PTPRH: variants seen among roughly 807,000 people sequenced by gnomAD.
PTPRH encodes the protein receptor-type tyrosine-protein phosphatase H.
In PTPRH, 113 loss-of-function variants were observed where a neutral mutation model predicts 130.2. That is an observed-to-expected ratio of 0.87 (90% CI 0.75 to 1.01). PTPRH has a LOEUF of 1.01. Among genes scored for constraint, PTPRH ranks in the 50% least tolerant of loss-of-function variants. The probability of loss-of-function intolerance (pLI) is 0.00; values close to 1 mark genes in which losing one functional copy is unlikely to be tolerated. For synonymous variants in PTPRH, 556 were observed against 577.9 expected (o/e 0.96, Z 0.54); for missense variants, 1,430 against 1,425.0 (o/e 1.00, Z -0.06).
rs2086953552 is a variant in PTPRH, at chr19:55,203,866, C to T, written c.802G>A (p.Gly268Arg). The T allele has an allele frequency of 6.2e-7, 1 of 1,614,038 alleles. No individual in the cohort carries two copies. The highest frequency in any genetic ancestry group is 1.3e-5 in the African/African-American group (1 of 74,916). Residue 268 changes from glycine to arginine, a missense_variant, in exon 5 of 20, where the codon GGA becomes AGA. Coordinates refer to ENST00000376350, the MANE Select transcript of PTPRH (RefSeq NM_002842.5). ...TDTRVTVDGL[G>R]PGSLYTCSVW... Reference sequence around the variant, plus strand: ...GAACACGTATACAATGACCCGGGTCCAAGGCCATCCACGGTGACTCTGGTG... The same window carrying T: ...GAACACGTATACAATGACCCGGGTCTAAGGCCATCCACGGTGACTCTGGTG...
At chr19:55,205,042 C>T (rs2086999328) in intron 4 of PTPRH, among the ~76,000 whole-genome samples, 1 of 152,122 alleles carries the variant, frequency 6.6e-6, no homozygotes. Context: ...GTATCTAATT[C>T]CTTGAAAGCT....
At position 55,207,191 on chromosome 19, in the gene PTPRH, G is replaced by A; in HGVS notation, c.60C>T (p.Cys20=). 4 of 1,613,328 alleles carry A rather than the reference G, an allele frequency of 2.5e-6. No homozygotes were observed. Among genetic ancestry groups the A allele is most frequent in the Non-Finnish European group, 3.4e-6 (4 of 1,179,762 alleles). Residue 20 remains cysteine (C), a synonymous_variant, in exon 2 of 20, where the codon TGC becomes TGT. Coordinates refer to ENST00000376350, the MANE Select transcript of PTPRH (RefSeq NM_002842.5). ...VWGNLVLLGL[C]SWTGARAPAP... is the part of the protein sequence containing the mutation. ...CAGGCGCCCTGGCCCCTGTCCAGCT[G>A]CACAGGCCCTGGAGGGAACCCAGAG...
intron 1 of PTPRH, among the ~76,000 whole-genome samples, chr19:55,207,658 GGACTCCTGAGTCTGAGGGAGGAGGGGCT>G (rs2087114396): frequency 8.9e-6 from 1 of 111,778 alleles, no homozygotes; most frequent in Non-Finnish European, 1.9e-5. Context: ...TTGGGGGCCT[GGACTCCTGAGTCTGAGGGAGGAGGGGCT>G]GGGGTCTGGA....
At position 55,200,321 on chromosome 19, in the gene PTPRH, A is replaced by G; in HGVS notation, c.1335T>C (p.Leu445=). The G allele has an allele frequency of 6.2e-7, 1 of 1,614,184 alleles. No individual in the cohort carries two copies. Among genetic ancestry groups the G allele is most frequent in the Non-Finnish European group, 8.5e-7 (1 of 1,180,032 alleles). Reference sequence around the variant, plus strand: ...AGAATGTGTACAAGGTTCCGGGCTCAAGTCTCTCAGCTGTCACACTGGTAT... The same window carrying G: ...AGAATGTGTACAAGGTTCCGGGCTCGAGTCTCTCAGCTGTCACACTGGTAT... ...TTNTSVTAER[L]EPGTLYTFSV... is the part of the protein sequence containing the mutation. Residue 445 remains leucine (L), a synonymous_variant, in exon 7 of 20, where the codon CTT becomes CTC. Transcript: ENST00000376350.
In PTPRH at chr19:55,209,262, C is replaced by G. The variant is rs1427133123; in HGVS notation, c.51+121G>C. On this transcript the variant is annotated intron_variant, in intron 1 of 19. Coordinates refer to ENST00000376350, the MANE Select transcript of PTPRH (RefSeq NM_002842.5). This position sits in a 1 kb window ranked among gnomAD's most constrained non-coding sequence, Gnocchi z 4.1. ...TCTCTGCCAAGCCTGAAGCCCTCTT[C>G]CTTCTCCAGGGGATCTTCAGCACCT... The G allele has an allele frequency of 4.6e-6, 4 of 861,022 alleles. No homozygotes were observed. Among genetic ancestry groups the G allele is most frequent in the Non-Finnish European group, 7.7e-6 (4 of 521,264 alleles). 53.3% of individuals were successfully genotyped at this position (861,022 alleles called of 1,614,324 possible).
intron 9 of PTPRH, 122 bp from the exon 10 acceptor site, chr19:55,196,910 CT>C: frequency 3.8e-6 from 5 of 1,305,452 alleles, no homozygotes; most frequent in Non-Finnish European, 5.2e-6. Context: ...ACTACCTCAT[CT>C]TCCCTCCTTT....
At chr19:55,203,195 T>C (rs1291549804) in intron 5 of PTPRH, among the ~76,000 whole-genome samples, 2 of 148,140 alleles carry the variant, frequency 1.4e-5, no homozygotes, top group Non-Finnish European at 3.0e-5. Context: ...GGTGTGGCGG[T>C]GTGCGCCTGT....
At chr19:55,188,695 C>T (rs2086439181) in intron 12 of PTPRH, among the ~76,000 whole-genome samples, 1 of 152,170 alleles carries the variant, frequency 6.6e-6, no homozygotes, top group Non-Finnish European at 1.5e-5. Context: ...GCCTCCCTGT[C>T]TGTAATTGCA....
intron 10 of PTPRH, among the ~76,000 whole-genome samples, chr19:55,195,027 A>T (rs1421751076): frequency 6.6e-6 from 1 of 152,086 alleles, no homozygotes; most frequent in Non-Finnish European, 1.5e-5. Flanking sequence ...ATCTCTACTA[A>T]AAAAATTTAA....
Position 55,203,654 on chromosome 19 carries a change from A to G in PTPRH, c.886+128T>C, listed in dbSNP as rs1426942678. On this transcript the variant is annotated intron_variant, in intron 5 of 19. Transcript: ENST00000376350. ...TTTATGTGGCTGATAGAAAATTGAAATTCTCACCTGTGGCTTCCACTGTGT... is the reference window on the plus strand; with the variant it reads ...TTTATGTGGCTGATAGAAAATTGAAGTTCTCACCTGTGGCTTCCACTGTGT... 4.4e-6 allele frequency: 5 copies of G among 1,138,386 alleles called. No homozygotes were observed. The East Asian group carries it at 1.3e-4, about 29-fold the overall frequency. 70.5% of individuals were successfully genotyped at this position (1,138,386 alleles called of 1,614,324 possible). A position where few individuals can be genotyped will look rare whatever the true frequency, so the allele number is the denominator to read the frequency against.
At chr19:55,198,587 A>C (rs878888825) in intron 8 of PTPRH, 56 bp downstream of exon 8, 1 of 1,488,828 alleles carries the variant, frequency 6.7e-7, no homozygotes, top group South Asian at 1.4e-5. Context: ...AAGTCCTTTC[A>C]TCTTTTTCCT....
At chr19:55,191,592 G>T in intron 11 of PTPRH, 44 bp from the exon 12 acceptor site, 3 of 1,612,378 alleles carry the variant, frequency 1.9e-6, no homozygotes, top group Non-Finnish European at 2.5e-6. Context: ...GGGTGAGGCT[G>T]CAACCAGCGG....
rs2086715006 is a variant in PTPRH at position 55,197,254 on chromosome 19, C to G, written c.1853G>C (p.Trp618Ser). 6.2e-7 allele frequency: 1 copy of G among 1,614,282 alleles called. No individual in the cohort carries two copies. The highest frequency in any genetic ancestry group is 8.5e-7 in the Non-Finnish European group (1 of 1,180,054). ...PRRGQDPQAN[W>S]VNQTSRTNET... ...ATTGGTCCTGCTGGTCTGGTTGACC[C>G]AATTCGCTTGGGGATCTTGCCCCCT... The change falls in exon 9 of 20, where the codon TGG becomes TCG. Residue 618 changes from tryptophan (W) to serine (S), a missense_variant. Transcript: ENST00000376350.
intron 5 of PTPRH, among the ~76,000 whole-genome samples, chr19:55,203,200 G>A (rs1019537341): frequency 7.9e-5 from 12 of 151,160 alleles, no homozygotes; most frequent in South Asian, 6.3e-4. Context: ...GGCGGTGTGC[G>A]CCTGTAGTCC....
intron 11 of PTPRH, 30 bp from the exon 12 acceptor site, chr19:55,191,578 CA>C (rs1413792753): frequency 5.0e-6 from 8 of 1,613,946 alleles, no homozygotes; most frequent in Non-Finnish European, 6.8e-6. Context: ...ATGAGAGGCT[CA>C]GGGGGTGAGG....
chr19:55,188,310 C>T (rs2086426792), intron 12 of PTPRH, 142 bp from the exon 13 acceptor site: 8 of 634,572 alleles, frequency 1.3e-5, no homozygotes, highest in Admixed American at 2.4e-5. Flanking sequence ...GTCAGGAGTT[C>T]GAGACCAGCC....
chr19:55,203,875 C>A lies in PTPRH; in HGVS notation c.793G>T (p.Asp265Tyr). The change falls in exon 5 of 20, where the codon GAT (aspartate) becomes TAT (tyrosine). Residue 265 changes from aspartate to tyrosine, a missense_variant. Coordinates refer to ENST00000376350, the MANE Select transcript of PTPRH (RefSeq NM_002842.5). The part of the protein sequence containing the change: ...RNTTDTRVTV[D>Y]GLGPGSLYTC... The stretch of plus-strand genomic sequence containing the variant: ...TACAATGACCCGGGTCCAAGGCCAT[C>A]CACGGTGACTCTGGTGTCTGTTGTG... The A allele has an allele frequency of 6.2e-7, 1 of 1,614,208 alleles. No individual in the cohort carries two copies. Among genetic ancestry groups the A allele is most frequent in the Non-Finnish European group, 8.5e-7 (1 of 1,180,042 alleles).
rs2086200082 is a variant in PTPRH at position 55,182,282 on chromosome 19, T to TGG, written c.3063-132_3063-131insCC. ...TGCTCACACCTGTAATCCCAGCACTTTGGGAGGCTGAGGCCGGTGGATCAC... is the reference window on the plus strand; with the variant it reads ...TGCTCACACCTGTAATCCCAGCACTTGGTGGGAGGCTGAGGCCGGTGGATCAC... On this transcript the variant is annotated intron_variant, in intron 18 of 19. Coordinates refer to ENST00000376350, the MANE Select transcript of PTPRH (RefSeq NM_002842.5). 2.6e-6 allele frequency: 3 copies of TGG among 1,146,432 alleles called. No homozygotes were observed. The South Asian group carries it at 4.7e-5, about 18-fold the overall frequency. 71.0% of individuals were successfully genotyped at this position (1,146,432 alleles called of 1,614,324 possible).
In PTPRH at chr19:55,200,265, C is replaced by T; in HGVS notation, c.1391G>A (p.Gly464Asp). The part of the protein sequence containing the change: ...SVWAEKNGAR[G>D]SRQNVSISTV... ...GGAGATGCTGACATTCTGCCTGGAG[C>T]CACGTGCTCCATTTTTTTCTGCCCA... is the stretch of plus-strand genomic sequence containing the variant. Residue 464 changes from glycine (G) to aspartate (D), a missense_variant, in exon 7 of 20, where the codon GGC (glycine) becomes GAC (aspartate). Physicochemically the swap from Gly to Asp is moderately conservative, Grantham distance 94 (BLOSUM62 -1). Coordinates refer to ENST00000376350, the MANE Select transcript of PTPRH (RefSeq NM_002842.5). 2 of 1,614,218 alleles carry T rather than the reference C, an allele frequency of 1.2e-6. No homozygotes were observed. The highest frequency in any genetic ancestry group is 2.2e-5 in the South Asian group (2 of 91,088).
Sources: allele counts gnomAD v4.1 joint callset (sites outside exome capture counted in the v4.1 genomes callset), GRCh38; gene constraint gnomAD v4.1.1; non-coding constraint Gnocchi (gnomAD v3.1); transcripts MANE v1.5; gene names NCBI Gene and HGNC (gene_info 2026-07-23, HGNC 2026-07-21).